The following PELI2 variants were observed in gnomAD, a reference collection of about 807,000 sequenced individuals.
PELI2 encodes E3 ubiquitin-protein ligase pellino homolog 2.
Under a neutral mutation model 42.3 loss-of-function variants are expected in PELI2, and 23 were observed. The observed-to-expected ratio is 0.54, with a 90% CI of 0.39 to 0.77. PELI2 has a LOEUF of 0.77. Ranked by LOEUF, PELI2 falls within the 30% of genes least tolerant of loss-of-function variation. The pLI, the probability that PELI2 is intolerant of heterozygous loss-of-function variation, is 0.00. For missense variants in PELI2, 463 were observed against 553.2 expected (o/e 0.84, Z 1.64); for synonymous variants, 245 against 212.2 (o/e 1.15, Z -1.34).
chr14:56,136,571 A>G (rs750842658), intron 1 of PELI2, among the ~76,000 whole-genome samples: 16 of 152,216 alleles, frequency 1.1e-4, no homozygotes, highest in Non-Finnish European at 1.9e-4. Context: ...TTAAATAAGA[A>G]TAAAAATAAT....
rs1390755594 is a variant in PELI2, at chr14:56,219,016, A to G, written c.207+40552A>G. ...GATTTATAAAATGCCCAGTCCTTAT[A>G]CTCTTGAGCATGACCAGATCCATTT... On this transcript the variant is annotated intron_variant, in intron 2 of 5. Transcript: ENST00000267460. The surrounding 1 kb of genome is among the most constrained non-coding windows in gnomAD (Gnocchi z 4.1). Among the ~76,000 whole-genome samples the G allele has an allele frequency of 1.3e-5, 2 of 151,878 alleles. No homozygotes were observed. The highest frequency in any genetic ancestry group is 2.9e-5 in the Non-Finnish European group (2 of 67,968).
At chr14:56,143,175 G>A (rs1196853786) in intron 1 of PELI2, among the ~76,000 whole-genome samples, 2 of 152,116 alleles carry the variant, frequency 1.3e-5, no homozygotes, top group Admixed American at 1.3e-4. Flanking sequence ...TTGAGTACTG[G>A]TCGGTTATTT....
At chr14:56,212,976 C>T (rs769762564) in intron 2 of PELI2, among the ~76,000 whole-genome samples, 29 of 152,200 alleles carry the variant, frequency 1.9e-4, no homozygotes, top group South Asian at 8.3e-4. Context: ...TTAGTCCACA[C>T]GTGCAGTTCG....
chr14:56,151,263 C>G (rs1447369112), intron 1 of PELI2, among the ~76,000 whole-genome samples: 2 of 152,180 alleles, frequency 1.3e-5, no homozygotes, highest in Admixed American at 1.3e-4. Context: ...CCCCATTTAC[C>G]TGGTGAATTT....
chr14:56,162,214 C>A (rs1406005861), intron 1 of PELI2, among the ~76,000 whole-genome samples: 2 of 152,006 alleles, frequency 1.3e-5, no homozygotes, highest in African/African-American at 4.8e-5. Flanking sequence ...AGGTCTTACT[C>A]ATTTTTCTAT....
In PELI2 at chr14:56,297,049, T is replaced by G. The variant is rs1890034185; in HGVS notation, c.1146T>G (p.Ser382=). ...CGGAGAAGTCTGCAAAATACTGGTC[T>G]CAGATCCCGTTGCCTCATGGAACTC... The part of the protein sequence containing the change: ...VCSEKSAKYW[S]QIPLPHGTHA... The change falls in exon 6 of 6, where the codon TCT becomes TCG. Residue 382 remains serine, a synonymous_variant. Coordinates refer to ENST00000267460, the MANE Select transcript of PELI2 (RefSeq NM_021255.3). 6.2e-7 allele frequency: 1 copy of G among 1,613,704 alleles called. No homozygotes were observed. Among genetic ancestry groups the G allele is most frequent in the Non-Finnish European group, 8.5e-7 (1 of 1,179,986 alleles).
rs1397846845 is a variant in PELI2, at chr14:56,261,499, T to C, written c.208-18177T>C. 2.6e-5 allele frequency among the ~76,000 whole-genome samples: 4 copies of C among 152,320 alleles called. No individual in the cohort carries two copies. In the East Asian group the frequency reaches 5.8e-4, roughly 22 times the overall value. On this transcript the variant is annotated intron_variant, in intron 2 of 5. Coordinates refer to ENST00000267460, the MANE Select transcript of PELI2 (RefSeq NM_021255.3). ...CTTTTCAAGGTGATTTCCAATCCTATGGTCTCATAAATTATAAATGATTAC... is the reference window on the plus strand; with the variant it reads ...CTTTTCAAGGTGATTTCCAATCCTACGGTCTCATAAATTATAAATGATTAC...
In PELI2 at chr14:56,183,695, A is replaced by C. The variant is rs529215329; in HGVS notation, c.207+5231A>C. 5.0e-4 allele frequency among the ~76,000 whole-genome samples: 76 copies of C among 152,290 alleles called. 1 individual carries two copies. The highest frequency in any genetic ancestry group is 1.8e-3 in the African/African-American group (76 of 41,580). ...CAATTTCACATAGAAATGTTTTAAT[A>C]ATTTACTTAAAATGCAATATTCAAG... On this transcript the variant is annotated intron_variant, in intron 2 of 5. Transcript: ENST00000267460.
At position 56,162,211 on chromosome 14, in the gene PELI2, A is replaced by C. The variant is rs145864093; in HGVS notation, c.78-16124A>C. On this transcript the variant is annotated intron_variant, in intron 1 of 5. Transcript: ENST00000267460. The stretch of plus-strand genomic sequence containing the variant: ...ATTGTGCTATTAAATAGTAGGTCTT[A>C]CTCATTTTTCTATTTTTTTTTTTAA... Among the ~76,000 whole-genome samples, 1,118 of 151,822 alleles carry C rather than the reference A, an allele frequency of 7.4e-3. 16 individuals are homozygous for C. Among genetic ancestry groups the C allele is most frequent in the African/African-American group, 0.026 (1,068 of 41,416 alleles).
chr14:56,139,414 T>G (rs1387351948), intron 1 of PELI2, among the ~76,000 whole-genome samples: 1 of 152,224 alleles, frequency 6.6e-6, no homozygotes. Context: ...ATTGCTTATT[T>G]TCTAAGGAAA....
intron 2 of PELI2, among the ~76,000 whole-genome samples, chr14:56,205,013 G>T (rs939671439): frequency 7.1e-6 from 1 of 141,424 alleles, no homozygotes; most frequent in African/African-American, 2.6e-5. Flanking sequence ...CTGGGCGACA[G>T]AGCGAGACTC....
intron 1 of PELI2, among the ~76,000 whole-genome samples, chr14:56,169,817 CGTT>C (rs1034319872): frequency 2.0e-5 from 3 of 152,118 alleles, no homozygotes; most frequent in Non-Finnish European, 2.9e-5. Context: ...GAGAAATAAA[CGTT>C]GTTGCGTTTC....
intron 2 of PELI2, among the ~76,000 whole-genome samples, chr14:56,195,864 C>T (rs1181163705): frequency 2.6e-5 from 4 of 152,146 alleles, no homozygotes; most frequent in East Asian, 1.9e-4. Context: ...GTGCGCAAGC[C>T]GTGATTGGCA....
chr14:56,250,786 C>T (rs781410246), intron 2 of PELI2, among the ~76,000 whole-genome samples: 8 of 152,058 alleles, frequency 5.3e-5, no homozygotes, highest in African/African-American at 1.2e-4. Flanking sequence ...TCTCCTTTGG[C>T]GACACCCTCA....
intron 2 of PELI2, among the ~76,000 whole-genome samples, chr14:56,262,918 AT>A (rs953199651): frequency 5.3e-5 from 8 of 151,356 alleles, no homozygotes; most frequent in Non-Finnish European, 7.4e-5. Flanking sequence ...TTTTACCCAA[AT>A]TTTTTTTTAG....
chr14:56,292,703 T>A (rs1781650813), intron 5 of PELI2: 1 of 848,354 alleles, frequency 1.2e-6, no homozygotes, highest in African/African-American at 1.8e-5. Flanking sequence ...ATCACCGTTG[T>A]TTTTCATTAT....
intron 2 of PELI2, among the ~76,000 whole-genome samples, chr14:56,184,122 C>G (rs549490789): frequency 6.6e-6 from 1 of 152,110 alleles, no homozygotes; most frequent in East Asian, 1.9e-4. Flanking sequence ...CTTTAACGGT[C>G]AGCCGAAGAT....
At chr14:56,247,151 C>G (rs1487855292) in intron 2 of PELI2, among the ~76,000 whole-genome samples, 2 of 151,906 alleles carry the variant, frequency 1.3e-5, no homozygotes, top group African/African-American at 4.8e-5. Flanking sequence ...TATGTACAAA[C>G]ACATACATAA....
At chr14:56,296,395 C>T (rs138361269) in intron 5 of PELI2, among the ~76,000 whole-genome samples, 232 of 152,280 alleles carry the variant, frequency 1.5e-3, no homozygotes, top group African/African-American at 5.1e-3. Context: ...TTTGTACATA[C>T]GGCATATATG....
Sources: allele counts gnomAD v4.1 joint callset (sites outside exome capture counted in the v4.1 genomes callset), GRCh38; gene constraint gnomAD v4.1.1; non-coding constraint Gnocchi (gnomAD v3.1); transcripts MANE v1.5; gene names NCBI Gene and HGNC (gene_info 2026-07-23, HGNC 2026-07-21).